Variants in GOLM1 observed in about 807,000 individuals in gnomAD.
GOLM1 encodes the protein epididymis luminal protein 46.
GOLM1 carries 31 observed loss-of-function variants against 50.5 expected under a neutral mutation model. The observed-to-expected ratio is 0.61, with a 90% CI of 0.46 to 0.83. GOLM1 has a LOEUF of 0.83. Among genes scored for constraint, GOLM1 ranks in the 40% least tolerant of loss-of-function variants. The probability of loss-of-function intolerance (pLI) is 0.00; values close to 1 mark genes in which losing one functional copy is unlikely to be tolerated. For synonymous variants in GOLM1, 178 were observed against 192.8 expected, an observed-to-expected ratio of 0.92 and a Z score of 0.64; for missense variants, 491 against 501.3, an observed-to-expected ratio of 0.98 and a Z score of 0.20.
At chr9:86,038,881 G>A (rs1437235267) in intron 6 of GOLM1, among the ~76,000 whole-genome samples, 1 of 152,018 alleles carries the variant, frequency 6.6e-6, no homozygotes, top group African/African-American at 2.4e-5. Context: ...TCAAGATCTT[G>A]GGTCAGGCAA....
chr9:86,055,567 C>A (rs538194186), intron 3 of GOLM1, among the ~76,000 whole-genome samples: 1 of 152,206 alleles, frequency 6.6e-6, no homozygotes, highest in African/African-American at 2.4e-5. Flanking sequence ...AATGGATAAG[C>A]AAAATGTGGC....
At chr9:86,044,550 CTTTT>C (rs1833470587) in intron 5 of GOLM1, among the ~76,000 whole-genome samples, 6 of 152,172 alleles carry the variant, frequency 3.9e-5, no homozygotes, top group Non-Finnish European at 5.9e-5. Flanking sequence ...ACAGATGAGC[CTTTT>C]AGAAGGAAAT....
In GOLM1 at chr9:86,086,064, G is replaced by C. The variant is rs113520451; in HGVS notation, c.-21-6723C>G. 7.3e-3 allele frequency among the ~76,000 whole-genome samples: 1,117 copies of C among 152,268 alleles called. 13 individuals are homozygous for C. The highest frequency in any genetic ancestry group is 0.026 in the African/African-American group (1,065 of 41,542). On this transcript the variant is annotated intron_variant, in intron 1 of 9. Transcript: ENST00000388712. ...GAATCACCACACTGTTTTCCACAAT[G>C]GTTGAACTAACTTACACTCCGACCA...
intron 3 of GOLM1, among the ~76,000 whole-genome samples, chr9:86,055,330 C>T (rs997516794): frequency 6.6e-6 from 1 of 152,144 alleles, no homozygotes; most frequent in African/African-American, 2.4e-5. Flanking sequence ...AAAGGAGGAT[C>T]CACACAGTAG....
At chr9:86,035,894 A>AAAAAAAC (rs1226085512) in intron 7 of GOLM1, among the ~76,000 whole-genome samples, 1 of 151,132 alleles carries the variant, frequency 6.6e-6, no homozygotes, top group East Asian at 1.9e-4. Context: ...AAAAAAAAAA[A>AAAAAAAC]AACACCTGGA....
At chr9:86,036,990 A>ATT (rs1305124118) in intron 6 of GOLM1, among the ~76,000 whole-genome samples, 2 of 152,360 alleles carry the variant, frequency 1.3e-5, no homozygotes, top group African/African-American at 4.8e-5. Flanking sequence ...CACAAAGTAA[A>ATT]TTAATAGAAA....
intron 5 of GOLM1, among the ~76,000 whole-genome samples, chr9:86,042,678 G>T (rs11791796): frequency 1.3e-5 from 2 of 152,196 alleles, no homozygotes; most frequent in Admixed American, 6.5e-5. Context: ...GTATACTGTA[G>T]AACTAAATGA....
chr9:86,027,265 T>C lies in GOLM1; in HGVS notation c.*552A>G, dbSNP rs1832813763. 1 of 985,538 alleles carries C rather than the reference T, an allele frequency of 1.0e-6. No homozygotes were observed. The highest frequency in any genetic ancestry group is 1.2e-6 in the Non-Finnish European group (1 of 829,996). The allele number at this position is 985,538 out of a possible 1,614,324, so 61.0% of individuals were successfully genotyped here. A position where few individuals can be genotyped will look rare whatever the true frequency, so the allele number is the denominator to read the frequency against. On this transcript the variant is annotated 3_prime_UTR_variant, in exon 10 of 10. Transcript: ENST00000388712. ...TTTAGACTTAAAGCTGTTGCTACTT[T>C]GCTAGTGACGTTTGTGTTAACAGTC...
chr9:86,030,514 C>CA (rs1011284454), intron 9 of GOLM1, among the ~76,000 whole-genome samples: 1 of 152,146 alleles, frequency 6.6e-6, no homozygotes, highest in Non-Finnish European at 1.5e-5. Context: ...GTTGAAAAAT[C>CA]AGACAAGCAC....
chr9:86,085,293 A>T (rs2118875962), intron 1 of GOLM1, among the ~76,000 whole-genome samples: 1 of 152,046 alleles, frequency 6.6e-6, no homozygotes, highest in East Asian at 1.9e-4. Context: ...ATGCCTTTTC[A>T]TATTTTTTGC....
At chr9:86,077,386 C>A in intron 3 of GOLM1, 26 bp downstream of exon 3, 1 of 1,592,768 alleles carries the variant, frequency 6.3e-7, no homozygotes, top group Non-Finnish European at 8.6e-7. Flanking sequence ...TAGAAAAGAA[C>A]TGAGAGGAAA....
chr9:86,041,630 G>C (rs1000404611), intron 5 of GOLM1, among the ~76,000 whole-genome samples: 1 of 152,174 alleles, frequency 6.6e-6, no homozygotes, highest in African/African-American at 2.4e-5. Context: ...CAGCTTTCCT[G>C]AATCATGTGA....
chr9:86,055,871 G>A (rs1045971227), intron 3 of GOLM1, among the ~76,000 whole-genome samples: 6 of 152,146 alleles, frequency 3.9e-5, no homozygotes, highest in Non-Finnish European at 5.9e-5. Flanking sequence ...GCACAACAGC[G>A]TGAATATCCT....
Position 86,040,820 on chromosome 9 carries a change from C to T in GOLM1, c.516G>A (p.Glu172=), listed in dbSNP as rs1404805986. 5 of 1,613,720 alleles carry T rather than the reference C, an allele frequency of 3.1e-6. No individual in the cohort carries two copies. Among genetic ancestry groups the T allele is most frequent in the African/African-American group, 2.7e-5 (2 of 74,924 alleles). ...CCTTTTTGGTGACCTCTTCTATTCG[C>T]TCCTCACACTGTTCCTTCACCTCCT... ...QMKEVKEQCE[E]RIEEVTKKGN... Residue 172 remains glutamate (E), a synonymous_variant, in exon 6 of 10, where the codon GAG becomes GAA. Transcript: ENST00000388712.
intron 9 of GOLM1, among the ~76,000 whole-genome samples, chr9:86,029,377 G>A (rs924762554): frequency 6.6e-6 from 1 of 152,098 alleles, no homozygotes; most frequent in Non-Finnish European, 1.5e-5. Flanking sequence ...AATGGCACAC[G>A]CTGCCTCCTG....
chr9:86,045,134 G>A (rs1048305010), intron 5 of GOLM1, among the ~76,000 whole-genome samples: 21 of 152,050 alleles, frequency 1.4e-4, no homozygotes, highest in African/African-American at 5.1e-4. Flanking sequence ...ACTTTGGGAG[G>A]CTGAGGCAGG....
At chr9:86,031,453 T>TG (rs1832978680) in intron 9 of GOLM1, among the ~76,000 whole-genome samples, 2 of 140,280 alleles carry the variant, frequency 1.4e-5, no homozygotes, top group East Asian at 2.0e-4. Flanking sequence ...ACTGAGGTTT[T>TG]TTTTTTTTTT....
intron 1 of GOLM1, among the ~76,000 whole-genome samples, chr9:86,095,889 C>T (rs978150698): frequency 3.9e-5 from 6 of 152,182 alleles, no homozygotes; most frequent in African/African-American, 9.6e-5. Flanking sequence ...GCTTCCTTAG[C>T]GGTACTGTTG....
chr9:86,084,256 C>G (rs1055660411), intron 1 of GOLM1, among the ~76,000 whole-genome samples: 11 of 152,196 alleles, frequency 7.2e-5, no homozygotes, highest in Non-Finnish European at 1.5e-4. Context: ...ATTGATAGAG[C>G]TTCTCTCTTC....
Sources: gnomAD v4.1 joint callset for allele counts (sites outside exome capture counted in the v4.1 genomes callset) on GRCh38, gnomAD v4.1.1 for gene constraint, MANE v1.5 for transcripts, NCBI Gene and HGNC (gene_info 2026-07-23, HGNC 2026-07-21) for gene names.